AP3S1: variants seen among roughly 807,000 people sequenced by gnomAD.
AP3S1 encodes the protein AP-3 complex subunit sigma-1.
In AP3S1, 12 loss-of-function variants were observed where a neutral mutation model predicts 21.3. The observed-to-expected ratio is 0.56, with a 90% CI of 0.36 to 0.91. The LOEUF (loss-of-function observed/expected upper bound fraction) is 0.91. Ranked by LOEUF, AP3S1 falls within the 40% of genes least tolerant of loss-of-function variation. The pLI, the probability that AP3S1 is intolerant of heterozygous loss-of-function variation, is 0.01. For synonymous variants in AP3S1, 48 were observed against 78.4 expected (o/e 0.61, Z 2.05); for missense variants, 116 against 225.0 (o/e 0.52, Z 3.10).
chr5:115,902,417 C>G (rs150498467), intron 4 of AP3S1, among the ~76,000 whole-genome samples: 2,334 of 152,184 alleles, frequency 0.015, 35 homozygotes, highest in South Asian at 0.034. Context: ...TTTTTCCAAT[C>G]TAGAGCCTGT....
At chr5:115,864,136 T>A (rs1300144267) in intron 1 of AP3S1, among the ~76,000 whole-genome samples, 5 of 152,234 alleles carry the variant, frequency 3.3e-5, no homozygotes, top group African/African-American at 1.2e-4. Context: ...ATGAGGACTA[T>A]CTTTATCTAT....
chr5:115,882,593 C>T (rs1169751355), intron 3 of AP3S1, among the ~76,000 whole-genome samples: 16 of 152,124 alleles, frequency 1.1e-4, no homozygotes, highest in African/African-American at 2.9e-4. Context: ...GAGGGGCACC[C>T]GCCAGATGCC....
At chr5:115,878,025 T>G (rs1479621287) in intron 3 of AP3S1, among the ~76,000 whole-genome samples, 1 of 152,202 alleles carries the variant, frequency 6.6e-6, no homozygotes, top group Non-Finnish European at 1.5e-5. Context: ...TTTATATCCT[T>G]TGCCCACTTT....
At chr5:115,844,384 T>C (rs1761904955) in intron 1 of AP3S1, among the ~76,000 whole-genome samples, 1 of 151,374 alleles carries the variant, frequency 6.6e-6, no homozygotes, top group Non-Finnish European at 1.5e-5. Flanking sequence ...CGGGTAAGAG[T>C]CTTAGAGAGT....
intron 3 of AP3S1, 83 bp from the exon 4 acceptor site, chr5:115,895,004 C>T: frequency 1.2e-6 from 1 of 856,032 alleles, no homozygotes; most frequent in East Asian, 2.9e-5. Flanking sequence ...AATTTTAGTT[C>T]ATAATTAAGA....
chr5:115,912,792 T>C (rs1752206239), intron 5 of AP3S1, among the ~76,000 whole-genome samples: 1 of 152,046 alleles, frequency 6.6e-6, no homozygotes, highest in Non-Finnish European at 1.5e-5. Flanking sequence ...TGAAAGCCTA[T>C]TTTTTTAATG....
At chr5:115,907,446 T>C (rs546513504) in intron 5 of AP3S1, among the ~76,000 whole-genome samples, 1 of 152,182 alleles carries the variant, frequency 6.6e-6, no homozygotes, top group Non-Finnish European at 1.5e-5. Flanking sequence ...CTTAACAGAA[T>C]TGCTTTTACA....
At chr5:115,901,486 A>G (rs1454379991) in intron 4 of AP3S1, among the ~76,000 whole-genome samples, 2 of 149,144 alleles carry the variant, frequency 1.3e-5, no homozygotes, top group African/African-American at 4.9e-5. Flanking sequence ...ATTTATATAA[A>G]TTTGTCTTCA....
intron 4 of AP3S1, 57 bp from the exon 5 acceptor site, chr5:115,902,828 T>C: frequency 7.8e-7 from 1 of 1,278,564 alleles, no homozygotes; most frequent in Non-Finnish European, 1.1e-6. Flanking sequence ...AAGTGAATCA[T>C]GAAACTTCTT....
intron 5 of AP3S1, among the ~76,000 whole-genome samples, chr5:115,905,883 A>G (rs1353173910): frequency 6.6e-6 from 1 of 152,244 alleles, no homozygotes; most frequent in Admixed American, 6.5e-5. Flanking sequence ...GGCTGGGCGC[A>G]GTGGCTCACG....
intron 5 of AP3S1, among the ~76,000 whole-genome samples, chr5:115,910,033 G>A (rs954131590): frequency 1.3e-5 from 2 of 152,166 alleles, no homozygotes; most frequent in African/African-American, 2.4e-5. Flanking sequence ...AGGGGCCAAG[G>A]CAGAAGACTC....
Position 115,842,036 on chromosome 5 carries a change from C to T in AP3S1, c.-2C>T, listed in dbSNP as rs369238013. On this transcript the variant is annotated 5_prime_UTR_variant, in exon 1 of 6. Coordinates refer to ENST00000316788, the MANE Select transcript of AP3S1 (RefSeq NM_001284.4). ...TGCCCACCCGGTCGGCCCGGCACAGCCATGATCAAGGCGATCCTAATCTTC... is the reference window on the plus strand; with the variant it reads ...TGCCCACCCGGTCGGCCCGGCACAGTCATGATCAAGGCGATCCTAATCTTC... 5 of 1,588,270 alleles carry T rather than the reference C, an allele frequency of 3.1e-6. No individual in the cohort carries two copies. The highest frequency in any genetic ancestry group is 2.4e-5 in the East Asian group (1 of 42,522).
At chr5:115,842,227 G>T (rs894475406) in intron 1 of AP3S1, 121 bp downstream of exon 1, 45 of 1,369,554 alleles carry the variant, frequency 3.3e-5, no homozygotes, top group Admixed American at 6.3e-5. Flanking sequence ...CGTCCCGGCC[G>T]CCTGGCGCTC....
At chr5:115,883,530 A>T (rs971529920) in intron 3 of AP3S1, among the ~76,000 whole-genome samples, 2 of 152,072 alleles carry the variant, frequency 1.3e-5, no homozygotes, top group African/African-American at 2.4e-5. Context: ...TTTGTTGGCT[A>T]CACTCGCTAT....
intron 1 of AP3S1, among the ~76,000 whole-genome samples, chr5:115,847,155 C>G (rs1762123934): frequency 1.3e-5 from 2 of 152,098 alleles, no homozygotes; most frequent in South Asian, 4.1e-4. Context: ...TAGACCCACC[C>G]AAGACCAATA....
intron 4 of AP3S1, among the ~76,000 whole-genome samples, chr5:115,900,888 A>G (rs943361113): frequency 6.6e-6 from 1 of 152,224 alleles, no homozygotes; most frequent in Non-Finnish European, 1.5e-5. Flanking sequence ...AGAATCTAGT[A>G]CAATACTACA....
At chr5:115,892,865 C>G (rs1206578060) in intron 3 of AP3S1, among the ~76,000 whole-genome samples, 1 of 152,098 alleles carries the variant, frequency 6.6e-6, no homozygotes, top group Non-Finnish European at 1.5e-5. Flanking sequence ...GATGGATACC[C>G]CATTTTCCTT....
At chr5:115,870,966 A>C (rs1486654730) in intron 3 of AP3S1, among the ~76,000 whole-genome samples, 3 of 152,208 alleles carry the variant, frequency 2.0e-5, no homozygotes, top group African/African-American at 4.8e-5. Flanking sequence ...CTAATTCCCA[A>C]AGGGTGATAT....
chr5:115,872,105 G>A (rs1267582659), intron 3 of AP3S1, among the ~76,000 whole-genome samples: 1 of 152,070 alleles, frequency 6.6e-6, no homozygotes, highest in Admixed American at 6.6e-5. Flanking sequence ...CTTGAGCCCA[G>A]GAGTTCGAGA....
Sources: allele counts gnomAD v4.1 joint callset (sites outside exome capture counted in the v4.1 genomes callset), GRCh38; gene constraint gnomAD v4.1.1; transcripts MANE v1.5; gene names NCBI Gene and HGNC (gene_info 2026-07-23, HGNC 2026-07-21).